The following KCNT2 variants were observed in gnomAD, a reference collection of about 807,000 sequenced individuals.
The protein encoded by KCNT2 is potassium channel subfamily T member 2.
Under a neutral mutation model 153.8 loss-of-function variants are expected in KCNT2, and 67 were observed. That is an observed-to-expected ratio of 0.44 (90% CI 0.36 to 0.53). KCNT2 has a LOEUF of 0.53. KCNT2 is among the 20% of genes least tolerant of loss of function. KCNT2 has a pLI of 0.00. For missense variants in KCNT2, 975 were observed against 1,354.8 expected (o/e 0.72, Z 4.40); for synonymous variants, 500 against 458.8 (o/e 1.09, Z -1.15).
rs373452827 is a variant in KCNT2, at chr1:196,509,452, C to T, written c.96-17111G>A. Among the ~76,000 whole-genome samples, 31 of 152,086 alleles carry T rather than the reference C, an allele frequency of 2.0e-4. No homozygotes were observed. The East Asian group carries it at 5.0e-3, about 25-fold the overall frequency. ...ATATGAATAAATCTTAGTTACCTAACGTTGAATAAAAGATGCAAGCCTAAG... is the reference window on the plus strand; with the variant it reads ...ATATGAATAAATCTTAGTTACCTAATGTTGAATAAAAGATGCAAGCCTAAG... On this transcript the variant is annotated intron_variant, in intron 1 of 27. Transcript: ENST00000294725.
intron 25 of KCNT2, among the ~76,000 whole-genome samples, chr1:196,276,427 AT>A (rs1387423531): frequency 6.6e-6 from 1 of 152,074 alleles, no homozygotes; most frequent in Admixed American, 6.6e-5. Flanking sequence ...ACTTTCTAAT[AT>A]TAATTTAAAA....
At chr1:196,359,478 A>G (rs1667446908) in intron 14 of KCNT2, among the ~76,000 whole-genome samples, 1 of 152,034 alleles carries the variant, frequency 6.6e-6, no homozygotes, top group African/African-American at 2.4e-5. Flanking sequence ...CAGGGCATAG[A>G]CCCAAAGAAT....
At chr1:196,350,747 C>T (rs1666604196) in intron 14 of KCNT2, among the ~76,000 whole-genome samples, 1 of 152,142 alleles carries the variant, frequency 6.6e-6, no homozygotes, top group African/African-American at 2.4e-5. Context: ...GTTGCCACTG[C>T]TTTTGGTGTT....
intron 21 of KCNT2, among the ~76,000 whole-genome samples, chr1:196,306,560 T>C (rs1375693209): frequency 6.6e-6 from 1 of 152,120 alleles, no homozygotes; most frequent in Non-Finnish European, 1.5e-5. Flanking sequence ...TCCCTCCTGC[T>C]GGGGAGAGTG....
intron 5 of KCNT2, among the ~76,000 whole-genome samples, chr1:196,469,599 C>A (rs1557976672): frequency 1.3e-5 from 2 of 152,132 alleles, no homozygotes; most frequent in South Asian, 4.1e-4. Context: ...GGACTGAGTA[C>A]ATAATTTGCA....
intron 16 of KCNT2, among the ~76,000 whole-genome samples, chr1:196,336,900 C>T (rs1294379570): frequency 6.6e-6 from 1 of 152,148 alleles, no homozygotes; most frequent in Non-Finnish European, 1.5e-5. Flanking sequence ...CTTTGGTCTC[C>T]TTTGCTGGTT....
chr1:196,562,504 G>A (rs1659545548), intron 1 of KCNT2, among the ~76,000 whole-genome samples: 1 of 151,828 alleles, frequency 6.6e-6, no homozygotes, highest in Admixed American at 6.6e-5. Context: ...TTATTTTTTA[G>A]TTTACAATAA....
intron 1 of KCNT2, among the ~76,000 whole-genome samples, chr1:196,509,995 A>G (rs1410533545): frequency 1.3e-5 from 2 of 152,172 alleles, no homozygotes; most frequent in African/African-American, 4.8e-5. Context: ...AACCATATAG[A>G]ATATGATTGG....
intron 20 of KCNT2, among the ~76,000 whole-genome samples, chr1:196,317,829 G>A (rs1662876130): frequency 6.6e-6 from 1 of 151,424 alleles, no homozygotes; most frequent in African/African-American, 2.4e-5. Flanking sequence ...CAAAAATACT[G>A]GCTGTTATAG....
intron 1 of KCNT2, among the ~76,000 whole-genome samples, chr1:196,520,927 C>G (rs1407666167): frequency 6.6e-6 from 1 of 152,096 alleles, no homozygotes; most frequent in South Asian, 2.1e-4. Flanking sequence ...GCAATCACAA[C>G]AAAAGCAAAA....
chr1:196,407,900 A>G (rs1671964817), intron 12 of KCNT2, among the ~76,000 whole-genome samples: 2 of 151,528 alleles, frequency 1.3e-5, no homozygotes, highest in East Asian at 2.0e-4. Flanking sequence ...TCAAATACCT[A>G]AGATGCCTCA....
At chr1:196,571,696 T>A (rs895693489) in intron 1 of KCNT2, among the ~76,000 whole-genome samples, 8 of 152,026 alleles carry the variant, frequency 5.3e-5, no homozygotes, top group Non-Finnish European at 1.0e-4. Context: ...GGGGAAGATA[T>A]AGGGCTTCTG....
At chr1:196,373,505 T>C (rs1007323275) in intron 13 of KCNT2, among the ~76,000 whole-genome samples, 2 of 151,908 alleles carry the variant, frequency 1.3e-5, no homozygotes, top group Non-Finnish European at 2.9e-5. Context: ...TGCTTAACCC[T>C]GTCTTAACAA....
chr1:196,569,948 T>C (rs1660568144), intron 1 of KCNT2, among the ~76,000 whole-genome samples: 1 of 151,720 alleles, frequency 6.6e-6, no homozygotes, highest in Admixed American at 6.6e-5. Flanking sequence ...GGTGTAGAGA[T>C]TGGGGGAAAT....
At chr1:196,578,768 C>G (rs1253033833) in intron 1 of KCNT2, among the ~76,000 whole-genome samples, 1 of 152,082 alleles carries the variant, frequency 6.6e-6, no homozygotes, top group Non-Finnish European at 1.5e-5. Flanking sequence ...TCAGCTACCC[C>G]CCATGTCACC....
chr1:196,357,125 T>C (rs1316779633), intron 14 of KCNT2, among the ~76,000 whole-genome samples: 1 of 151,896 alleles, frequency 6.6e-6, no homozygotes, highest in Non-Finnish European at 1.5e-5. Context: ...TTGAACATCG[T>C]TGAAGTTGTA....
intron 1 of KCNT2, among the ~76,000 whole-genome samples, chr1:196,561,811 T>A (rs1659454781): frequency 6.6e-6 from 1 of 151,700 alleles, no homozygotes; most frequent in East Asian, 1.9e-4. Context: ...AAGATATTAA[T>A]CAATACATGT....
intron 1 of KCNT2, among the ~76,000 whole-genome samples, chr1:196,556,557 T>C (rs1255434583): frequency 6.6e-6 from 1 of 151,316 alleles, no homozygotes; most frequent in Non-Finnish European, 1.5e-5. Context: ...TCAACCAGTA[T>C]AGAAAACAGT....
chr1:196,512,390 A>G (rs186777914), intron 1 of KCNT2, among the ~76,000 whole-genome samples: 7 of 152,266 alleles, frequency 4.6e-5, no homozygotes, highest in African/African-American at 9.6e-5. Flanking sequence ...TGTCTACTCA[A>G]TATTTCTACT....
Sources: gnomAD v4.1 joint callset for allele counts (sites outside exome capture counted in the v4.1 genomes callset) on GRCh38, gnomAD v4.1.1 for gene constraint, MANE v1.5 for transcripts, NCBI Gene and HGNC (gene_info 2026-07-23, HGNC 2026-07-21) for gene names.